Variants in LTBR observed in about 807,000 individuals in gnomAD.
LTBR encodes lymphotoxin beta receptor.
In LTBR, 15 loss-of-function variants were observed where a neutral mutation model predicts 45.4. The observed-to-expected ratio is 0.33, with a 90% CI of 0.22 to 0.51. The LOEUF (loss-of-function observed/expected upper bound fraction) is 0.51. LTBR is among the 20% of genes least tolerant of loss of function. The pLI is 0.97. For synonymous variants in LTBR, 228 were observed against 231.0 expected, an observed-to-expected ratio of 0.99 and a Z score of 0.12; for missense variants, 450 against 565.5, an observed-to-expected ratio of 0.80 and a Z score of 2.07.
upstream of LTBR, among the ~76,000 whole-genome samples, chr12:6,380,258 T>C (rs1290536013): frequency 2.0e-5 from 3 of 152,184 alleles, no homozygotes; most frequent in Non-Finnish European, 4.4e-5. Flanking sequence ...CCACTGAAAA[T>C]GCAAATACTC....
chr12:6,385,327 A>C lies in LTBR; in HGVS notation c.420A>C (p.Thr140=), dbSNP rs1332301572. 2.5e-6 allele frequency: 4 copies of C among 1,614,112 alleles called. No homozygotes were observed. ...GTGCTGCCTGGGCCCTCGAGTGTAC[A>C]CACTGCGAGCTACTTTCTGACTGCC... ...MFCAAWALEC[T]HCELLSDCPP... The change falls in exon 4 of 10, where the codon ACA becomes ACC. Residue 140 remains threonine, a synonymous_variant. Transcript: ENST00000228918.
intron 8 of LTBR, 184 bp from the exon 9 acceptor site, chr12:6,389,928 G>T (rs1949091386): frequency 6.7e-6 from 4 of 598,658 alleles, no homozygotes; most frequent in Non-Finnish European, 1.2e-5. Flanking sequence ...CTGCACTGTA[G>T]CCTGGGTGAC....
intron 1 of LTBR, among the ~76,000 whole-genome samples, chr12:6,376,579 G>A (rs1334487652): frequency 1.3e-5 from 2 of 152,240 alleles, no homozygotes; most frequent in Non-Finnish European, 2.9e-5. Context: ...GGAGAAATTC[G>A]TTGATGGGCT....
At chr12:6,377,706 C>A (rs1320343080) in intron 1 of LTBR, 1 of 1,292,146 alleles carries the variant, frequency 7.7e-7, no homozygotes, top group Admixed American at 2.3e-5. Context: ...GCTCAGCACC[C>A]TGGCTGTTTG....
upstream of LTBR, among the ~76,000 whole-genome samples, chr12:6,383,137 C>T (rs931297193): frequency 3.9e-5 from 6 of 152,156 alleles, no homozygotes; most frequent in Non-Finnish European, 7.4e-5. Flanking sequence ...GCAGTCTTCA[C>T]GGGGACTGTG....
rs1230309912 is a variant in LTBR at position 6,384,343 on chromosome 12, TG to T, written c.-14del. 6.8e-7 allele frequency: 1 copy of T among 1,479,656 alleles called. No homozygotes were observed. Among genetic ancestry groups the T allele is most frequent in the Non-Finnish European group, 8.9e-7 (1 of 1,120,032 alleles). 91.7% of individuals were successfully genotyped at this position (1,479,656 alleles called of 1,614,324 possible). On this transcript the variant is annotated 5_prime_UTR_variant, in exon 1 of 10. Transcript: ENST00000228918. ...CCAGGCCCCCACGTTGCTGGCCGCC[TG>T]GCCGAGTGGCCGCCATGCTCCTGCC... is the stretch of plus-strand genomic sequence containing the variant.
rs1485658407 is a variant in LTBR at position 6,390,141 on chromosome 12, C to T, written c.831C>T (p.Ser277=). 1.9e-6 allele frequency: 3 copies of T among 1,614,000 alleles called. No homozygotes were observed. Among genetic ancestry groups the T allele is most frequent in the Non-Finnish European group, 2.5e-6 (3 of 1,179,960 alleles). ...QGEGPNPVAG[S]WEPPKAHPYF... ...AGGGACCCAATCCTGTAGCTGGAAGCTGGGAGCCTCCGAAGGCCCATCCAT... is the reference window on the plus strand; with the variant it reads ...AGGGACCCAATCCTGTAGCTGGAAGTTGGGAGCCTCCGAAGGCCCATCCAT... The change falls in exon 9 of 10, where the codon AGC becomes AGT. Residue 277 remains serine (S), a synonymous_variant. Transcript: ENST00000228918.
rs1361331426 is a variant in LTBR at position 6,390,826 on chromosome 12, C to G, written c.1197C>G (p.Leu399=). The G allele has an allele frequency of 6.2e-7, 1 of 1,611,684 alleles. No individual in the cohort carries two copies. Among genetic ancestry groups the G allele is most frequent in the Admixed American group, 1.7e-5 (1 of 59,922 alleles). ...AGGGGGACCCTGGCCCTCCCGGGCT[C>G]TCTACACCCCACCAGGAAGATGGCA... ...PEEGDPGPPG[L]STPHQEDGKA... The change falls in exon 10 of 10, where the codon CTC becomes CTG. Residue 399 remains leucine (L), a synonymous_variant. Coordinates refer to ENST00000228918, the MANE Select transcript of LTBR (RefSeq NM_002342.3).
Position 6,386,338 on chromosome 12 carries a change from C to T in LTBR, c.570-9C>T. Reference sequence around the variant, plus strand: ...CGTGAAAAGGTCATCATCTTTTTTTCCTCTGCAGGTGTGAGAACCAAGGTC... The same window carrying T: ...CGTGAAAAGGTCATCATCTTTTTTTTCTCTGCAGGTGTGAGAACCAAGGTC... On this transcript the variant is annotated splice_polypyrimidine_tract_variant and intron_variant, in intron 5 of 9. Coordinates refer to ENST00000228918, the MANE Select transcript of LTBR (RefSeq NM_002342.3). This position sits in a 1 kb window ranked among gnomAD's most constrained non-coding sequence, Gnocchi z 4.1. The T allele has an allele frequency of 6.2e-7, 1 of 1,610,642 alleles. No individual in the cohort carries two copies.
In LTBR at chr12:6,388,005, T is replaced by TA. The variant is rs1949068290; in HGVS notation, c.668-392dup. ...AATGTGGCTCTAGCCTGTGTCTGTT[T>TA]ACAACTCCAAGTCCCACCCTTCCCT... On this transcript the variant is annotated intron_variant, in intron 6 of 9. Coordinates refer to ENST00000228918, the MANE Select transcript of LTBR (RefSeq NM_002342.3). This position sits in a 1 kb window ranked among gnomAD's most constrained non-coding sequence, Gnocchi z 4.3. 2.8e-6 allele frequency: 1 copy of TA among 356,998 alleles called. No homozygotes were observed. The highest frequency in any genetic ancestry group is 2.1e-5 in the South Asian group (1 of 47,728). The allele number at this position is 356,998 out of a possible 1,614,324, so 22.1% of individuals were successfully genotyped here. A position where few individuals can be genotyped will look rare whatever the true frequency, so the allele number is the denominator to read the frequency against.
chr12:6,376,973 G>A (rs1480798054), intron 1 of LTBR, among the ~76,000 whole-genome samples: 1 of 152,224 alleles, frequency 6.6e-6, no homozygotes, highest in Non-Finnish European at 1.5e-5. Context: ...TCTAACAAAA[G>A]TGCAGATCTC....
At chr12:6,376,170 C>A (rs962174716) in intron 1 of LTBR, 1 of 985,802 alleles carries the variant, frequency 1.0e-6, no homozygotes. Context: ...GTCTCCTCCC[C>A]GCTCACTAAG....
upstream of LTBR, among the ~76,000 whole-genome samples, chr12:6,380,544 C>T (rs1948973011): frequency 6.6e-6 from 1 of 152,056 alleles, no homozygotes; most frequent in Non-Finnish European, 1.5e-5. Flanking sequence ...ATTAGCCGGG[C>T]CTGTTGGCGC....
chr12:6,389,802 C>CAAAAA, intron 8 of LTBR: 1 of 101,378 alleles, frequency 9.9e-6, no homozygotes, highest in Non-Finnish European at 2.1e-5. Flanking sequence ...GACTCTGTCT[C>CAAAAA]AAAAAAAAAA....
upstream of LTBR, among the ~76,000 whole-genome samples, chr12:6,379,701 C>T (rs185039650): frequency 1.3e-5 from 2 of 151,806 alleles, no homozygotes; most frequent in East Asian, 1.9e-4. Flanking sequence ...GAGGCCGAGG[C>T]GGGTGGATCA....
chr12:6,384,320 A>G lies in LTBR; in HGVS notation c.-39A>G, dbSNP rs546351875. 2.1e-6 allele frequency: 3 copies of G among 1,451,024 alleles called. No homozygotes were observed. Among genetic ancestry groups the G allele is most frequent in the African/African-American group, 2.9e-5 (2 of 69,846 alleles). The allele number at this position is 1,451,024 out of a possible 1,614,324, so 89.9% of individuals were successfully genotyped here. On this transcript the variant is annotated 5_prime_UTR_variant, in exon 1 of 10. Coordinates refer to ENST00000228918, the MANE Select transcript of LTBR (RefSeq NM_002342.3). ...ACGTCGGGCCTCCTGCCTTCCTCCCAGGCCCCCACGTTGCTGGCCGCCTGG... is the reference window on the plus strand; with the variant it reads ...ACGTCGGGCCTCCTGCCTTCCTCCCGGGCCCCCACGTTGCTGGCCGCCTGG...
chr12:6,390,532 CAAT>C (rs1028516435), intron 9 of LTBR, 125 bp from the exon 10 acceptor site: 2 of 1,092,136 alleles, frequency 1.8e-6, no homozygotes, highest in South Asian at 1.6e-5. Context: ...CACAGAAGCT[CAAT>C]AAACCAGCAG....
At chr12:6,379,994 TTTGA>T (rs1565491504), upstream of LTBR, among the ~76,000 whole-genome samples, 1 of 151,788 alleles carries the variant, frequency 6.6e-6, no homozygotes, top group Non-Finnish European at 1.5e-5. Flanking sequence ...AGTTTATCAC[TTTGA>T]TTGAAGACAG....
chr12:6,386,620 C>CACAA lies in LTBR; in HGVS notation c.667+179_667+180insAACA. On this transcript the variant is annotated intron_variant, in intron 6 of 9. Coordinates refer to ENST00000228918, the MANE Select transcript of LTBR (RefSeq NM_002342.3). The surrounding 1 kb of genome is among the most constrained non-coding windows in gnomAD (Gnocchi z 4.1). ...AGGCTAGTTTACACACACACACACA[C>CACAA]ACACACACACACACACTTTTAAAAT... 2 of 599,184 alleles carry CACAA rather than the reference C, an allele frequency of 3.3e-6. No individual in the cohort carries two copies. The highest frequency in any genetic ancestry group is 3.7e-5 in the African/African-American group (2 of 53,774). The allele number at this position is 599,184 out of a possible 1,614,324, so 37.1% of individuals were successfully genotyped here.
Sources: allele counts gnomAD v4.1 joint callset (sites outside exome capture counted in the v4.1 genomes callset), GRCh38; gene constraint gnomAD v4.1.1; non-coding constraint Gnocchi (gnomAD v3.1); transcripts MANE v1.5; gene names NCBI Gene and HGNC (gene_info 2026-07-23, HGNC 2026-07-21).